The following PLD5 variants were observed in gnomAD, a reference collection of about 807,000 sequenced individuals.
PLD5 encodes the protein phospholipase D family member 5.
PLD5 carries 36 observed loss-of-function variants against 61.1 expected under a neutral mutation model. That is an observed-to-expected ratio of 0.59 (90% confidence interval 0.45 to 0.78). The LOEUF is 0.78. Among genes scored for constraint, PLD5 ranks in the 30% least tolerant of loss-of-function variants. The pLI, the probability that PLD5 is intolerant of heterozygous loss-of-function variation, is 0.00. For missense variants in PLD5, 515 were observed against 644.4 expected (o/e 0.80, Z 2.17); for synonymous variants, 243 against 242.8 (o/e 1.00, Z -0.01).
chr1:242,412,748 T>A (rs1664623183), intron 1 of PLD5, among the ~76,000 whole-genome samples: 1 of 152,246 alleles, frequency 6.6e-6, no homozygotes, highest in Non-Finnish European at 1.5e-5. Context: ...AGTTTTTGGC[T>A]ATTGTAAATG....
rs1440714839 is a variant in PLD5 at position 242,223,792 on chromosome 1, C to T, written c.608-3677G>A. Among the ~76,000 whole-genome samples the T allele has an allele frequency of 3.3e-5, 5 of 152,016 alleles. No homozygotes were observed. The East Asian group carries it at 7.7e-4, about 23-fold the overall frequency. On this transcript the variant is annotated intron_variant, in intron 4 of 9. Coordinates refer to ENST00000536534, the MANE Select transcript of PLD5 (RefSeq NM_001372062.1). ...GTTTTTCTATCTAAATATTGATGCT[C>T]CATCTATCTCTGAAGACATATGCTT...
At chr1:242,368,652 T>C (rs1262660649) in intron 1 of PLD5, among the ~76,000 whole-genome samples, 1 of 152,198 alleles carries the variant, frequency 6.6e-6, no homozygotes, top group Non-Finnish European at 1.5e-5. Flanking sequence ...AGGTGGGTTC[T>C]CTGCCTGAGC....
At chr1:242,196,190 A>G (rs983144835) in intron 5 of PLD5, among the ~76,000 whole-genome samples, 15 of 152,248 alleles carry the variant, frequency 9.9e-5, no homozygotes, top group African/African-American at 3.6e-4. Flanking sequence ...AACAGCTAGA[A>G]GGTAAATAAA....
chr1:242,195,377 G>A (rs995874024), intron 5 of PLD5, among the ~76,000 whole-genome samples: 9 of 152,164 alleles, frequency 5.9e-5, no homozygotes, highest in African/African-American at 2.2e-4. Context: ...CTCAGAAAAT[G>A]TCCCAAGACC....
At chr1:242,137,798 A>G (rs1663858542) in intron 5 of PLD5, among the ~76,000 whole-genome samples, 1 of 152,150 alleles carries the variant, frequency 6.6e-6, no homozygotes, top group Non-Finnish European at 1.5e-5. Flanking sequence ...CTCCTTAAGT[A>G]TCACCTGATG....
chr1:242,100,988 G>C (rs143288650), intron 8 of PLD5, among the ~76,000 whole-genome samples: 157 of 152,208 alleles, frequency 1.0e-3, no homozygotes, highest in African/African-American at 3.6e-3. Flanking sequence ...TGCTCAACTA[G>C]GTATATAATT....
At chr1:242,295,900 T>C (rs896547496) in intron 2 of PLD5, among the ~76,000 whole-genome samples, 1 of 152,234 alleles carries the variant, frequency 6.6e-6, no homozygotes, top group African/African-American at 2.4e-5. Context: ...TAGAAATGTA[T>C]ATTTTTATAA....
intron 9 of PLD5, among the ~76,000 whole-genome samples, chr1:242,096,131 T>C (rs1344690521): frequency 6.6e-6 from 1 of 151,392 alleles, no homozygotes; most frequent in African/African-American, 2.4e-5. Context: ...GCTAATTCTT[T>C]GTATTTTTAG....
chr1:242,110,735 G>A (rs551345346), intron 7 of PLD5, among the ~76,000 whole-genome samples: 5 of 152,140 alleles, frequency 3.3e-5, no homozygotes, highest in South Asian at 4.1e-4. Flanking sequence ...ACCTGAACCT[G>A]GGAGGCAGAG....
chr1:242,410,484 T>C (rs73132320), intron 1 of PLD5, among the ~76,000 whole-genome samples: 5,021 of 152,256 alleles, frequency 0.033, 294 homozygotes, highest in African/African-American at 0.11. Context: ...AAAGAAACAA[T>C]TAGTTGACAT....
intron 2 of PLD5, among the ~76,000 whole-genome samples, chr1:242,300,800 T>G (rs115022700): frequency 3.8e-4 from 58 of 152,114 alleles, no homozygotes; most frequent in African/African-American, 1.3e-3. Flanking sequence ...TGCGATAGCA[T>G]GGAGCCTCGG....
chr1:242,192,910 G>A (rs1342253671), intron 5 of PLD5, among the ~76,000 whole-genome samples: 1 of 151,764 alleles, frequency 6.6e-6, no homozygotes, highest in Non-Finnish European at 1.5e-5. Flanking sequence ...AAGCTCTCCG[G>A]GCCTTCTGCA....
intron 1 of PLD5, among the ~76,000 whole-genome samples, chr1:242,390,641 A>C (rs1662873524): frequency 6.6e-6 from 1 of 152,292 alleles, no homozygotes; most frequent in Non-Finnish European, 1.5e-5. Flanking sequence ...ACAGAATAAA[A>C]ATATCTGATT....
chr1:242,496,050 A>G (rs77015604), intron 1 of PLD5, among the ~76,000 whole-genome samples: 1,815 of 152,364 alleles, frequency 0.012, 12 homozygotes, highest in Middle Eastern at 0.027. Context: ...TGCTTTAGCA[A>G]TTATCATTGG....
chr1:242,226,382 G>A (rs1000390863), intron 4 of PLD5, among the ~76,000 whole-genome samples: 4 of 152,172 alleles, frequency 2.6e-5, no homozygotes, highest in Middle Eastern at 3.4e-3. Context: ...TCCTACTTTC[G>A]GCCCCGCAGT....
intron 4 of PLD5, among the ~76,000 whole-genome samples, chr1:242,222,271 C>T (rs369959368): frequency 1.3e-5 from 2 of 152,150 alleles, no homozygotes; most frequent in Admixed American, 1.3e-4. Context: ...CTGGGGATTA[C>T]ATCTTCTACA....
intron 1 of PLD5, among the ~76,000 whole-genome samples, chr1:242,521,148 T>C (rs1486132094): frequency 1.3e-5 from 2 of 152,240 alleles, no homozygotes; most frequent in Non-Finnish European, 2.9e-5. Context: ...TCGCAGCTTC[T>C]TATTCATTAT....
intron 1 of PLD5, among the ~76,000 whole-genome samples, chr1:242,492,463 A>C (rs987457789): frequency 6.6e-6 from 1 of 150,626 alleles, no homozygotes; most frequent in Admixed American, 6.6e-5. Flanking sequence ...CAGAGGTTTC[A>C]GTAAGCCGAG....
chr1:242,092,202 T>C (rs1023880633), intron 9 of PLD5, among the ~76,000 whole-genome samples: 4 of 152,014 alleles, frequency 2.6e-5, no homozygotes, highest in South Asian at 2.1e-4. Context: ...CCATAGCTCA[T>C]TGTAGCCTTG....
Sources: gnomAD v4.1 joint callset for allele counts (sites outside exome capture counted in the v4.1 genomes callset) on GRCh38, gnomAD v4.1.1 for gene constraint, MANE v1.5 for transcripts, NCBI Gene and HGNC (gene_info 2026-07-23, HGNC 2026-07-21) for gene names.